TREH: variants seen among roughly 807,000 people sequenced by gnomAD.
TREH encodes alpha,alpha-trehalose glucohydrolase.
A neutral mutation model predicts 80.5 loss-of-function variants in TREH; 69 were observed. The observed-to-expected ratio is 0.86, with a 90% CI of 0.71 to 1.05. The LOEUF (loss-of-function observed/expected upper bound fraction) is 1.05, where lower values mean the gene tolerates loss of function less well. Among genes scored for constraint, TREH ranks in the 50% least tolerant of loss-of-function variants. The probability of loss-of-function intolerance (pLI) is 0.00; values close to 1 mark genes in which losing one functional copy is unlikely to be tolerated. For synonymous variants in TREH, 309 were observed against 293.5 expected (o/e 1.05, Z -0.54); for missense variants, 716 against 718.8 (o/e 1.00, Z 0.04).
intron 1 of TREH, among the ~76,000 whole-genome samples, chr11:118,673,000 A>G (rs1949444486): frequency 6.6e-6 from 1 of 152,156 alleles, no homozygotes; most frequent in Admixed American, 6.6e-5. Flanking sequence ...TAACTTCCAG[A>G]AAAGCAGAAG....
chr11:118,665,673 A>G (rs910862554), intron 1 of TREH, among the ~76,000 whole-genome samples: 5 of 152,276 alleles, frequency 3.3e-5, no homozygotes, highest in African/African-American at 9.6e-5. Context: ...CTGCAACTGT[A>G]CCTTTAAACC....
At chr11:118,671,162 C>G (rs1008089065) in intron 1 of TREH, among the ~76,000 whole-genome samples, 1 of 152,090 alleles carries the variant, frequency 6.6e-6, no homozygotes, top group East Asian at 1.9e-4. Context: ...TTATTGTTAG[C>G]CCCATTTTTG....
chr11:118,664,430 A>C (rs532766096), intron 1 of TREH, among the ~76,000 whole-genome samples: 2 of 152,390 alleles, frequency 1.3e-5, no homozygotes, highest in Admixed American at 1.3e-4. Flanking sequence ...ATGGCCTGGC[A>C]GATGGGCAGT....
Position 118,658,128 on chromosome 11 carries a change from G to T in TREH, c.*161C>A. On this transcript the variant is annotated 3_prime_UTR_variant, in exon 15 of 15. Coordinates refer to ENST00000264029, the MANE Select transcript of TREH (RefSeq NM_007180.3). ...ACCCTATTCAAGGTTCCAGGAGGGAGCTAGGCCCCTACCCATGACCTCCAG... is the reference window on the plus strand; with the variant it reads ...ACCCTATTCAAGGTTCCAGGAGGGATCTAGGCCCCTACCCATGACCTCCAG... 2.0e-6 allele frequency: 2 copies of T among 1,003,896 alleles called. No individual in the cohort carries two copies. The highest frequency in any genetic ancestry group is 2.9e-6 in the Non-Finnish European group (2 of 694,160). 62.2% of individuals were successfully genotyped at this position (1,003,896 alleles called of 1,614,324 possible). A position where few individuals can be genotyped will look rare whatever the true frequency, so the allele number is the denominator to read the frequency against.
In TREH at chr11:118,661,706, C is replaced by A. The variant is rs1555145022; in HGVS notation, c.548G>T (p.Gly183Val). 1 of 1,613,868 alleles carries A rather than the reference C, an allele frequency of 6.2e-7. No homozygotes were observed. The highest frequency in any genetic ancestry group is 8.5e-7 in the Non-Finnish European group (1 of 1,179,912). Residue 183 changes from glycine to valine, a missense_variant, in exon 6 of 15, where the codon GGT becomes GTT. Gly to Val is a moderately radical substitution (Grantham distance 109, BLOSUM62 -3). Transcript: ENST00000264029. The surrounding 1 kb of genome is among the most constrained non-coding windows in gnomAD (Gnocchi z 4.2). ...CTCAGCCATCTCTGAGAGGAGCAGA[C>A]CCTCCATGACCCAGTAGGAGTCCCT... ...YYWDSYWVMEGLLLSEMAETV... is the reference protein window; with the variant it reads ...YYWDSYWVMEVLLLSEMAETV...
chr11:118,662,552 T>A (rs1949335753), intron 4 of TREH, among the ~76,000 whole-genome samples: 1 of 152,094 alleles, frequency 6.6e-6, no homozygotes, highest in Non-Finnish European at 1.5e-5. Flanking sequence ...GCCCAGGAGC[T>A]CAGGGAAGGA....
At position 118,662,927 on chromosome 11, in the gene TREH, G is replaced by C. The variant is rs782343518; in HGVS notation, c.377C>G (p.Ala126Gly). ...GAGCTGATGCAGCTGCCCTGCCCAGGCACGCAGTTTGGCATCTGAAATCTT... is the reference window on the plus strand; with the variant it reads ...GAGCTGATGCAGCTGCCCTGCCCAGCCACGCAGTTTGGCATCTGAAATCTT... ...LQKISDAKLR[A>G]WAGQLHQLWK... The change falls in exon 4 of 15, where the codon GCC becomes GGC. Residue 126 changes from alanine to glycine, a missense_variant. Transcript: ENST00000264029. 4.3e-6 allele frequency: 7 copies of C among 1,609,612 alleles called. No individual in the cohort carries two copies.
At chr11:118,666,863 A>C (rs1375447931) in intron 1 of TREH, among the ~76,000 whole-genome samples, 1 of 152,100 alleles carries the variant, frequency 6.6e-6, no homozygotes, top group South Asian at 2.1e-4. Context: ...GAATAGAAAA[A>C]AGTTTTATTT....
intron 14 of TREH, 104 bp downstream of exon 14, chr11:118,658,576 C>CG: frequency 6.6e-7 from 1 of 1,518,576 alleles, no homozygotes; most frequent in Non-Finnish European, 8.9e-7. Context: ...GCTCCTCCCC[C>CG]GGGCCCACAT....
intron 4 of TREH, among the ~76,000 whole-genome samples, chr11:118,662,497 G>A (rs1465211782): frequency 6.6e-6 from 1 of 152,220 alleles, no homozygotes; most frequent in East Asian, 1.9e-4. Context: ...ACAGGGCCTG[G>A]CCCCACGCAG....
intron 1 of TREH, among the ~76,000 whole-genome samples, chr11:118,667,967 C>T (rs1949393759): frequency 6.6e-6 from 1 of 152,132 alleles, no homozygotes; most frequent in South Asian, 2.1e-4. Flanking sequence ...CTGGTTCAAG[C>T]AATTCTCATG....
In TREH at chr11:118,659,387, T is replaced by C. The variant is rs1949278833; in HGVS notation, c.1415A>G (p.Gln472Arg). ...WDFPNAWAPL[Q>R]DLVIRGLAKA... is the part of the protein sequence containing the mutation. Reference sequence around the variant, plus strand: ...CTCCCTACCTCTGATGACCAGGTCCTGCAGGGGGGCCCAGGCATTGGGGAA... The same window carrying C: ...CTCCCTACCTCTGATGACCAGGTCCCGCAGGGGGGCCCAGGCATTGGGGAA... Residue 472 changes from glutamine to arginine, a missense_variant, in exon 12 of 15, where the codon CAG becomes CGG. Coordinates refer to ENST00000264029, the MANE Select transcript of TREH (RefSeq NM_007180.3). The C allele has an allele frequency of 1.9e-6, 3 of 1,590,150 alleles. No homozygotes were observed.
chr11:118,660,973 T>C (rs1419688504), intron 8 of TREH, 58 bp from the exon 9 acceptor site: 1 of 1,551,164 alleles, frequency 6.4e-7, no homozygotes, highest in Non-Finnish European at 8.7e-7. Context: ...CCCTCTGTGG[T>C]CAAGAAGAGG....
In TREH at chr11:118,658,014, C is replaced by T. The variant is rs1949219887; in HGVS notation, c.*275G>A. On this transcript the variant is annotated 3_prime_UTR_variant, in exon 15 of 15. Coordinates refer to ENST00000264029, the MANE Select transcript of TREH (RefSeq NM_007180.3). ...AAGCATTTCAGCAGAACAATAAAGC[C>T]TTTGGACTACGGAAGTGAGTGGAAG... The T allele has an allele frequency of 2.0e-6, 1 of 492,204 alleles. No individual in the cohort carries two copies. Among genetic ancestry groups the T allele is most frequent in the Admixed American group, 3.2e-5 (1 of 31,050 alleles). The allele number at this position is 492,204 out of a possible 1,614,324, so 30.5% of individuals were successfully genotyped here. A position where few individuals can be genotyped will look rare whatever the true frequency, so the allele number is the denominator to read the frequency against.
At chr11:118,671,821 T>C (rs939799312) in intron 1 of TREH, among the ~76,000 whole-genome samples, 2 of 151,944 alleles carry the variant, frequency 1.3e-5, no homozygotes, top group Non-Finnish European at 2.9e-5. Flanking sequence ...TAATATACAA[T>C]GGAGCTCAGT....
At chr11:118,658,529 C>CCCT (rs1237082799) in intron 14 of TREH, 88 bp from the exon 15 acceptor site, 2 of 1,531,096 alleles carry the variant, frequency 1.3e-6, no homozygotes. Flanking sequence ...GGGGCACTGG[C>CCCT]CCTGCCTAAC....
At chr11:118,664,061 TTCAG>T (rs1949354295) in intron 1 of TREH, among the ~76,000 whole-genome samples, 2 of 152,194 alleles carry the variant, frequency 1.3e-5, no homozygotes, top group South Asian at 4.1e-4. Context: ...AAATGGTTTA[TTCAG>T]GAGTCTGCTG....
Position 118,658,057 on chromosome 11 carries a change from C to T in TREH, c.*232G>A, listed in dbSNP as rs1463516358. 3 of 576,620 alleles carry T rather than the reference C, an allele frequency of 5.2e-6. No homozygotes were observed. Among genetic ancestry groups the T allele is most frequent in the African/African-American group, 1.9e-5 (1 of 53,706 alleles). 35.7% of individuals were successfully genotyped at this position (576,620 alleles called of 1,614,324 possible). A position where few individuals can be genotyped will look rare whatever the true frequency, so the allele number is the denominator to read the frequency against. Reference sequence around the variant, plus strand: ...AGTGGAAGGCCGGTGTGGGGCTTGGCGCTGAGGCACTTGGGGATAGGTCTT... The same window carrying T: ...AGTGGAAGGCCGGTGTGGGGCTTGGTGCTGAGGCACTTGGGGATAGGTCTT... On this transcript the variant is annotated 3_prime_UTR_variant, in exon 15 of 15. Coordinates refer to ENST00000264029, the MANE Select transcript of TREH (RefSeq NM_007180.3).
At chr11:118,659,664 C>A in intron 11 of TREH, 83 bp downstream of exon 11, 3 of 1,487,616 alleles carry the variant, frequency 2.0e-6, no homozygotes, top group Non-Finnish European at 2.7e-6. Flanking sequence ...CCGGAGGAAG[C>A]GCCCTCCCCT....
Sources: allele counts gnomAD v4.1 joint callset (sites outside exome capture counted in the v4.1 genomes callset), GRCh38; gene constraint gnomAD v4.1.1; non-coding constraint Gnocchi (gnomAD v3.1); transcripts MANE v1.5; gene names NCBI Gene and HGNC (gene_info 2026-07-23, HGNC 2026-07-21).